Variants in CNTNAP5 observed in about 807,000 individuals in gnomAD.
CNTNAP5 encodes the protein contactin-associated protein-like 5.
CNTNAP5 carries 72 observed loss-of-function variants against 150.2 expected under a neutral mutation model. That is an observed-to-expected ratio of 0.48 (90% CI 0.40 to 0.58). The LOEUF (loss-of-function observed/expected upper bound fraction) is 0.58. Among genes scored for constraint, CNTNAP5 ranks in the 20% least tolerant of loss-of-function variants. The pLI, the probability that CNTNAP5 is intolerant of heterozygous loss-of-function variation, is 0.00. For synonymous variants in CNTNAP5, 672 were observed against 619.8 expected, an observed-to-expected ratio of 1.08 and a Z score of -1.25; for missense variants, 1,636 against 1,626.2, an observed-to-expected ratio of 1.01 and a Z score of -0.10.
At chr2:124,884,944 G>T (rs779449867) in intron 21 of CNTNAP5, among the ~76,000 whole-genome samples, 1 of 152,032 alleles carries the variant, frequency 6.6e-6, no homozygotes, top group South Asian at 2.1e-4. Context: ...TGTGAAGCTG[G>T]CTGGGAAAGA....
intron 3 of CNTNAP5, among the ~76,000 whole-genome samples, chr2:124,245,693 A>ATT (rs1298624167): frequency 1.6e-5 from 2 of 125,620 alleles, no homozygotes; most frequent in African/African-American, 6.3e-5. Context: ...ACAAATATAT[A>ATT]TATACACACA....
chr2:124,915,363 GA>G lies in CNTNAP5; in HGVS notation c.*1084del, dbSNP rs140404605. The stretch of plus-strand genomic sequence containing the variant: ...AACAAAAATTAAATCAGGAAAAAAT[GA>G]AAAAAAAACTGCATGAAAGAAGAAA... On this transcript the variant is annotated 3_prime_UTR_variant, in exon 24 of 24. Transcript: ENST00000682447. 6.5e-3 allele frequency: 1,064 copies of G among 163,498 alleles called. 30 individuals are homozygous for G. In the East Asian group the frequency reaches 0.095, roughly 15 times the overall value. The allele number at this position is 163,498 out of a possible 1,614,324, so 10.1% of individuals were successfully genotyped here.
At chr2:124,089,760 C>A (rs1347876) in intron 1 of CNTNAP5, among the ~76,000 whole-genome samples, 42,816 of 152,118 alleles carry the variant, frequency 0.28, 6,075 homozygotes, top group South Asian at 0.32. Flanking sequence ...CATTGAGTTG[C>A]ACACATCTTA....
intron 1 of CNTNAP5, among the ~76,000 whole-genome samples, chr2:124,138,002 C>T (rs1441787908): frequency 1.3e-5 from 2 of 151,996 alleles, no homozygotes; most frequent in African/African-American, 2.4e-5. Flanking sequence ...CAGCAGGGAG[C>T]ATAATCTTAC....
At chr2:124,202,306 G>A (rs1481104404) in intron 1 of CNTNAP5, among the ~76,000 whole-genome samples, 1 of 152,120 alleles carries the variant, frequency 6.6e-6, no homozygotes, top group African/African-American at 2.4e-5. Context: ...AGAACTACAA[G>A]GAAAATGAAT....
intron 1 of CNTNAP5, among the ~76,000 whole-genome samples, chr2:124,132,844 A>T (rs1683886699): frequency 6.6e-6 from 1 of 152,112 alleles, no homozygotes; most frequent in Non-Finnish European, 1.5e-5. Flanking sequence ...TGTTCAATCT[A>T]TGTGTCCATT....
At chr2:124,413,326 T>C (rs1294033488) in intron 3 of CNTNAP5, among the ~76,000 whole-genome samples, 1 of 151,458 alleles carries the variant, frequency 6.6e-6, no homozygotes, top group Non-Finnish European at 1.5e-5. Flanking sequence ...ATTGTGGCGA[T>C]TCCTCAGGGA....
intron 1 of CNTNAP5, among the ~76,000 whole-genome samples, chr2:124,208,990 A>G (rs1218730097): frequency 2.0e-5 from 3 of 152,014 alleles, no homozygotes; most frequent in Non-Finnish European, 4.4e-5. Flanking sequence ...CATCATCTTC[A>G]TTTTCCATGG....
intron 12 of CNTNAP5, among the ~76,000 whole-genome samples, chr2:124,622,360 C>T (rs12476971): frequency 0.4 from 61,024 of 151,570 alleles, 14,313 homozygotes; most frequent in Non-Finnish European, 0.54. Context: ...TTTCTTTATC[C>T]AGTCTATCAT....
chr2:124,345,584 G>A (rs1305870660), intron 3 of CNTNAP5, among the ~76,000 whole-genome samples: 1 of 152,178 alleles, frequency 6.6e-6, no homozygotes, highest in African/African-American at 2.4e-5. Context: ...GTGGGTTAAA[G>A]AGGTAGATAT....
Position 124,025,349 on chromosome 2 carries a change from T to G in CNTNAP5, c.-302T>G. ...GTCCACCGAGCTCCGGCGCCTGTCG[T>G]TCTAATTGGGTTTGGATTTGCACCG... On this transcript the variant is annotated 5_prime_UTR_variant, in exon 1 of 24. Transcript: ENST00000682447. The G allele has an allele frequency of 3.0e-6, 1 of 330,834 alleles. No individual in the cohort carries two copies. Among genetic ancestry groups the G allele is most frequent in the Non-Finnish European group, 5.8e-6 (1 of 172,826 alleles). The allele number at this position is 330,834 out of a possible 1,614,324, so 20.5% of individuals were successfully genotyped here. A position where few individuals can be genotyped will look rare whatever the true frequency, so the allele number is the denominator to read the frequency against.
intron 1 of CNTNAP5, among the ~76,000 whole-genome samples, chr2:124,059,610 CTT>C (rs66485728): frequency 6.6e-6 from 1 of 150,890 alleles, no homozygotes; most frequent in African/African-American, 2.4e-5. Context: ...ACTGCATTTT[CTT>C]TTTTTTTTAA....
At chr2:124,641,096 A>C (rs1426612384) in intron 12 of CNTNAP5, among the ~76,000 whole-genome samples, 1 of 143,280 alleles carries the variant, frequency 7.0e-6, no homozygotes, top group Non-Finnish European at 1.5e-5. Context: ...ATTACACTCC[A>C]GACTGGGCAA....
At chr2:124,246,524 A>C (rs1573864384) in intron 3 of CNTNAP5, among the ~76,000 whole-genome samples, 2 of 152,138 alleles carry the variant, frequency 1.3e-5, no homozygotes, top group African/African-American at 4.8e-5. Context: ...AAATATTAAA[A>C]TTCCGACTCT....
chr2:124,182,945 T>C lies in CNTNAP5; in HGVS notation c.83-38760T>C, dbSNP rs188359025. Among the ~76,000 whole-genome samples the C allele has an allele frequency of 7.9e-5, 12 of 152,328 alleles. No homozygotes were observed. In the East Asian group the frequency reaches 2.3e-3, roughly 29 times the overall value. The stretch of plus-strand genomic sequence containing the variant: ...AGTTTGCCTTCCTTACCAAGGAGCC[T>C]CTGCTTATGACAGCATTTTTCTTCT... On this transcript the variant is annotated intron_variant, in intron 1 of 23. Transcript: ENST00000682447.
chr2:124,673,184 A>C (rs1021800801), intron 13 of CNTNAP5, among the ~76,000 whole-genome samples: 1 of 152,290 alleles, frequency 6.6e-6, no homozygotes, highest in Middle Eastern at 3.4e-3. Context: ...GCTTACTACT[A>C]ACAATAACAG....
intron 1 of CNTNAP5, among the ~76,000 whole-genome samples, chr2:124,045,449 C>G (rs964704910): frequency 1.3e-5 from 2 of 151,912 alleles, no homozygotes; most frequent in African/African-American, 2.4e-5. Context: ...AGGTGCCCAC[C>G]ACCAGGCCTG....
chr2:124,391,488 T>C (rs1215485928), intron 3 of CNTNAP5, among the ~76,000 whole-genome samples: 2 of 152,202 alleles, frequency 1.3e-5, no homozygotes, highest in African/African-American at 2.4e-5. Context: ...CCTCTCCTCA[T>C]CGTCTTCTCT....
chr2:124,624,747 A>T (rs1461592720), intron 12 of CNTNAP5, among the ~76,000 whole-genome samples: 1 of 152,210 alleles, frequency 6.6e-6, no homozygotes, highest in Non-Finnish European at 1.5e-5. Flanking sequence ...GTACAGAAAT[A>T]GTACAAAGGA....
Sources: allele counts gnomAD v4.1 joint callset (sites outside exome capture counted in the v4.1 genomes callset), GRCh38; gene constraint gnomAD v4.1.1; transcripts MANE v1.5; gene names NCBI Gene and HGNC (gene_info 2026-07-23, HGNC 2026-07-21).